The following CAMKMT variants were observed in gnomAD, a reference collection of about 807,000 sequenced individuals.
The protein encoded by CAMKMT is calmodulin-lysine N-methyltransferase.
Under a neutral mutation model 48.0 loss-of-function variants are expected in CAMKMT, and 53 were observed. That is an observed-to-expected ratio of 1.10 (90% CI 0.89 to 1.39). CAMKMT has a LOEUF of 1.39. CAMKMT is among the 40% of genes most tolerant of loss of function. The probability of loss-of-function intolerance (pLI) is 0.00; values close to 1 mark genes in which losing one functional copy is unlikely to be tolerated. For synonymous variants in CAMKMT, 165 were observed against 152.3 expected (o/e 1.08, Z -0.61); for missense variants, 428 against 402.7 (o/e 1.06, Z -0.54).
chr2:44,614,832 C>T (rs759235563), intron 3 of CAMKMT, among the ~76,000 whole-genome samples: 1 of 150,414 alleles, frequency 6.6e-6, no homozygotes, highest in Non-Finnish European at 1.5e-5. Context: ...CAGCAATTTG[C>T]TTCTTTTTCT....
At chr2:44,630,167 T>C (rs1281671474) in intron 3 of CAMKMT, among the ~76,000 whole-genome samples, 2 of 151,910 alleles carry the variant, frequency 1.3e-5, no homozygotes, top group African/African-American at 4.8e-5. Context: ...ATTTAATAAA[T>C]GGTGCTGGGA....
chr2:44,405,464 AAAG>A (rs1438225962), intron 3 of CAMKMT, among the ~76,000 whole-genome samples: 2 of 152,152 alleles, frequency 1.3e-5, no homozygotes, highest in Non-Finnish European at 2.9e-5. Flanking sequence ...ATTTTAATAA[AAAG>A]AAGCTATGAA....
chr2:44,590,775 A>G (rs1446429187), intron 3 of CAMKMT, among the ~76,000 whole-genome samples: 1 of 151,924 alleles, frequency 6.6e-6, no homozygotes, highest in Non-Finnish European at 1.5e-5. Context: ...CCATTTGTCA[A>G]TTTTGGCTTT....
chr2:44,536,666 C>T (rs1353343633), intron 3 of CAMKMT, among the ~76,000 whole-genome samples: 1 of 151,858 alleles, frequency 6.6e-6, no homozygotes, highest in Non-Finnish European at 1.5e-5. Context: ...AAAATAATCC[C>T]CAAATTTGTA....
chr2:44,685,365 G>A (rs1676280792), intron 3 of CAMKMT, among the ~76,000 whole-genome samples: 1 of 152,150 alleles, frequency 6.6e-6, no homozygotes, highest in South Asian at 2.1e-4. Flanking sequence ...GAAAGCAATG[G>A]GCAAAGTGAA....
chr2:44,659,960 C>A (rs907053007), intron 3 of CAMKMT, among the ~76,000 whole-genome samples: 1 of 151,950 alleles, frequency 6.6e-6, no homozygotes, highest in Non-Finnish European at 1.5e-5. Context: ...TTATTGAAGA[C>A]CCAAAGAACT....
At chr2:44,469,000 A>G (rs997917663) in intron 3 of CAMKMT, among the ~76,000 whole-genome samples, 1 of 152,150 alleles carries the variant, frequency 6.6e-6, no homozygotes, top group Non-Finnish European at 1.5e-5. Flanking sequence ...TGTTGATCTC[A>G]TGGAAGTAGG....
At chr2:44,517,359 A>G (rs114084096) in intron 3 of CAMKMT, among the ~76,000 whole-genome samples, 2,846 of 152,326 alleles carry the variant, frequency 0.019, 96 homozygotes, top group African/African-American at 0.066. Flanking sequence ...AATTAATGCA[A>G]TATGTTAGGT....
intron 3 of CAMKMT, among the ~76,000 whole-genome samples, chr2:44,605,640 C>T (rs1160532924): frequency 3.9e-5 from 6 of 152,034 alleles, no homozygotes. Context: ...CCTTGGAGGT[C>T]ATTTATTTCA....
intron 7 of CAMKMT, among the ~76,000 whole-genome samples, chr2:44,721,067 CCAAA>C (rs1465714983): frequency 6.6e-6 from 1 of 152,020 alleles, no homozygotes; most frequent in African/African-American, 2.4e-5. Context: ...CTTGAGTTTT[CCAAA>C]CAAACAATCA....
At chr2:44,743,515 T>C in intron 7 of CAMKMT, 107 bp from the exon 8 acceptor site, 1 of 738,510 alleles carries the variant, frequency 1.4e-6, no homozygotes, top group Non-Finnish European at 2.3e-6. Flanking sequence ...AATTTGTATA[T>C]ACCTTTTAAA....
At chr2:44,724,248 C>T (rs1217376852) in intron 7 of CAMKMT, among the ~76,000 whole-genome samples, 2 of 152,132 alleles carry the variant, frequency 1.3e-5, no homozygotes, top group African/African-American at 4.8e-5. Context: ...AGCCACAGTA[C>T]TCCAGCCTGG....
At position 44,598,463 on chromosome 2, in the gene CAMKMT, CTG is replaced by C. The variant is rs1670796442; in HGVS notation, c.377-105817_377-105816del. On this transcript the variant is annotated intron_variant, in intron 3 of 10. Transcript: ENST00000378494. ...TTTATTCAACATTAAGATATATACACTGTGCATTTTTTTTACTTTCCATTACT... is the reference window on the plus strand; with the variant it reads ...TTTATTCAACATTAAGATATATACACTGCATTTTTTTTACTTTCCATTACT... Among the ~76,000 whole-genome samples the C allele has an allele frequency of 2.0e-5, 3 of 151,952 alleles. No individual in the cohort carries two copies. In the South Asian group the frequency reaches 6.2e-4, roughly 32 times the overall value.
intron 3 of CAMKMT, among the ~76,000 whole-genome samples, chr2:44,500,686 C>CTT (rs528633654): frequency 1.2e-4 from 16 of 138,302 alleles, no homozygotes; most frequent in South Asian, 2.3e-4. Context: ...TTCTCAGATA[C>CTT]TTTTTTTTTT....
intron 3 of CAMKMT, among the ~76,000 whole-genome samples, chr2:44,692,508 G>A (rs1384306721): frequency 6.6e-6 from 1 of 152,136 alleles, no homozygotes; most frequent in Non-Finnish European, 1.5e-5. Flanking sequence ...TCTTACTTGT[G>A]TCTATTTTCC....
intron 7 of CAMKMT, among the ~76,000 whole-genome samples, chr2:44,734,613 C>T (rs1679261172): frequency 6.6e-6 from 1 of 152,074 alleles, no homozygotes; most frequent in African/African-American, 2.4e-5. Context: ...TGGTGTTTCA[C>T]CATATTGGCC....
chr2:44,586,165 T>A (rs1031128105), intron 3 of CAMKMT, among the ~76,000 whole-genome samples: 1 of 152,174 alleles, frequency 6.6e-6, no homozygotes, highest in African/African-American at 2.4e-5. Context: ...GTGGCATAGG[T>A]GTTAAAGGCT....
At chr2:44,565,058 T>G (rs527689179) in intron 3 of CAMKMT, among the ~76,000 whole-genome samples, 3 of 152,320 alleles carry the variant, frequency 2.0e-5, no homozygotes, top group African/African-American at 7.2e-5. Context: ...CTAATTTTTT[T>G]CTACTGGGTT....
intron 3 of CAMKMT, among the ~76,000 whole-genome samples, chr2:44,671,856 A>T (rs1015228933): frequency 6.6e-5 from 10 of 152,158 alleles, no homozygotes; most frequent in African/African-American, 2.4e-4. Context: ...TTTCTCCAAG[A>T]CAAAGGGCAG....
Sources: gnomAD v4.1 joint callset for allele counts (sites outside exome capture counted in the v4.1 genomes callset) on GRCh38, gnomAD v4.1.1 for gene constraint, MANE v1.5 for transcripts, NCBI Gene and HGNC (gene_info 2026-07-23, HGNC 2026-07-21) for gene names.